Variants in CFAP74 observed in about 807,000 individuals in gnomAD.
The protein encoded by CFAP74 is cilia and flagella associated protein 74.
A neutral mutation model predicts 188.9 loss-of-function variants in CFAP74; 124 were observed. That is an observed-to-expected ratio of 0.66 (90% CI 0.57 to 0.76). CFAP74 has a LOEUF of 0.76. CFAP74 is among the 30% of genes least tolerant of loss of function. The pLI, the probability that CFAP74 is intolerant of heterozygous loss-of-function variation, is 0.00. For missense variants in CFAP74, 2,198 were observed against 2,165.2 expected (o/e 1.02, Z -0.30); for synonymous variants, 956 against 916.7 (o/e 1.04, Z -0.77).
chr1:1,941,384 G>A (rs1288913303), intron 22 of CFAP74, among the ~76,000 whole-genome samples: 2 of 152,214 alleles, frequency 1.3e-5, no homozygotes, highest in East Asian at 1.9e-4. Context: ...GACACAGGAC[G>A]TCCAGTCTCC....
chr1:1,923,321 GCA>G lies in CFAP74; in HGVS notation c.4522+44_4522+45del. On this transcript the variant is annotated intron_variant, in intron 36 of 38. Coordinates refer to ENST00000682832, the MANE Select transcript of CFAP74 (RefSeq NM_001304360.2). This position sits in a 1 kb window ranked among gnomAD's most constrained non-coding sequence, Gnocchi z 6.3. The stretch of plus-strand genomic sequence containing the variant: ...CGGGGCCCCCATCCACGGGACAGGG[GCA>G]CCGGGAGGCCCCGTGTCTGTTCCCT... 1 of 1,531,516 alleles carries G rather than the reference GCA, an allele frequency of 6.5e-7. No individual in the cohort carries two copies. The highest frequency in any genetic ancestry group is 1.4e-5 in the African/African-American group (1 of 72,812). The allele number at this position is 1,531,516 out of a possible 1,614,324, so 94.9% of individuals were successfully genotyped here.
intron 18 of CFAP74, among the ~76,000 whole-genome samples, chr1:1,950,885 C>T (rs1654162602): frequency 6.6e-6 from 1 of 152,068 alleles, no homozygotes; most frequent in African/African-American, 2.4e-5. Flanking sequence ...TTTGCCTCAC[C>T]TAGGGCCACA....
intron 18 of CFAP74, among the ~76,000 whole-genome samples, chr1:1,949,438 A>T (rs921027411): frequency 1.1e-4 from 17 of 152,210 alleles, no homozygotes; most frequent in Non-Finnish European, 1.2e-4. Context: ...TACAAGTGTA[A>T]GCCACTGTGC....
chr1:1,964,831 C>G (rs1570929661), intron 13 of CFAP74, 57 bp downstream of exon 13: 2 of 1,586,056 alleles, frequency 1.3e-6, no homozygotes, highest in Non-Finnish European at 1.7e-6. Context: ...TGCGGCAGGG[C>G]TCCCCTGCTG....
intron 20 of CFAP74, 57 bp from the exon 21 acceptor site, chr1:1,944,509 T>G: frequency 6.6e-7 from 1 of 1,520,688 alleles, no homozygotes; most frequent in Non-Finnish European, 8.8e-7. Flanking sequence ...GCAGGCATTG[T>G]TGGTGAGCAC....
intron 25 of CFAP74, among the ~76,000 whole-genome samples, chr1:1,931,737 CTGTCTCAA>C (rs1341903366): frequency 7.1e-5 from 7 of 98,630 alleles, no homozygotes; most frequent in Admixed American, 2.7e-4. Flanking sequence ...GACTCTGTCT[CTGTCTCAA>C]AAAAAAAAAA....
intron 6 of CFAP74, among the ~76,000 whole-genome samples, chr1:1,978,848 C>G (rs1356095343): frequency 2.0e-5 from 3 of 152,256 alleles, no homozygotes; most frequent in Admixed American, 6.5e-5. Flanking sequence ...AGCACCAGCG[C>G]CCTGCCGTGG....
In CFAP74 at chr1:1,941,972, C is replaced by T. The variant is rs75302349; in HGVS notation, c.2615+56G>A. The T allele has an allele frequency of 3.4e-3, 4,782 of 1,414,682 alleles. 94 individuals carry two copies. The African/African-American group carries it at 0.046, about 13-fold the overall frequency. The allele number at this position is 1,414,682 out of a possible 1,614,324, so 87.6% of individuals were successfully genotyped here. On this transcript the variant is annotated intron_variant, in intron 22 of 38. Transcript: ENST00000682832. ...GAGTGGCCAGTGGCGAGGAGCGCCT[C>T]GGAGCCCACAACCTCCCACGTCCTC...
intron 15 of CFAP74, among the ~76,000 whole-genome samples, chr1:1,959,520 C>T (rs1194828552): frequency 2.0e-5 from 3 of 152,236 alleles, no homozygotes; most frequent in Non-Finnish European, 2.9e-5. Context: ...CCTGCCTTGG[C>T]CTCCCAAAGT....
intron 18 of CFAP74, among the ~76,000 whole-genome samples, chr1:1,947,775 G>A (rs113945647): frequency 3.8e-4 from 58 of 152,392 alleles, no homozygotes; most frequent in Middle Eastern, 3.4e-3. Flanking sequence ...CGGGCTCAGC[G>A]TCTGGACGGC....
Position 1,940,313 on chromosome 1 carries a change from G to C in CFAP74, c.2703+3C>G. The C allele has an allele frequency of 1.3e-6, 2 of 1,535,134 alleles. No homozygotes were observed. The highest frequency in any genetic ancestry group is 2.0e-5 in the Admixed American group (1 of 50,998). On this transcript the variant is annotated splice_donor_region_variant and intron_variant, in intron 23 of 38. Transcript: ENST00000682832. Reference sequence around the variant, plus strand: ...CATCCCTGGGAAGTGCCCCAACACAGACCTGGTCGGCAACCCATATGGTCA... The same window carrying C: ...CATCCCTGGGAAGTGCCCCAACACACACCTGGTCGGCAACCCATATGGTCA...
intron 10 of CFAP74, among the ~76,000 whole-genome samples, chr1:1,969,750 C>T (rs967181289): frequency 2.6e-5 from 4 of 152,118 alleles, no homozygotes; most frequent in Admixed American, 6.5e-5. Context: ...GAACTCTGAT[C>T]GTGACTCAGG....
rs1262956243 is a variant in CFAP74, at chr1:1,946,306, G to C, written c.2364+11C>G. 1.3e-6 allele frequency: 2 copies of C among 1,532,878 alleles called. No homozygotes were observed. Among genetic ancestry groups the C allele is most frequent in the Admixed American group, 3.9e-5 (2 of 50,710 alleles). The allele number at this position is 1,532,878 out of a possible 1,614,324, so 95.0% of individuals were successfully genotyped here. A position where few individuals can be genotyped will look rare whatever the true frequency, so the allele number is the denominator to read the frequency against. ...AGGGTGTGTGCGTGGCGTGGCAGCA[G>C]GAATACTCACCGTGGGGCACTGGGG... On this transcript the variant is annotated intron_variant, in intron 20 of 38. Coordinates refer to ENST00000682832, the MANE Select transcript of CFAP74 (RefSeq NM_001304360.2).
intron 24 of CFAP74, among the ~76,000 whole-genome samples, chr1:1,939,231 G>C (rs1001641246): frequency 6.6e-6 from 1 of 152,254 alleles, no homozygotes; most frequent in African/African-American, 2.4e-5. Flanking sequence ...TGTGTGCTGG[G>C]GGGAGAGAGA....
In CFAP74 at chr1:1,963,867, C is replaced by T; in HGVS notation, c.1576G>A (p.Asp526Asn). The change falls in exon 14 of 39, where the codon GAC (aspartate) becomes AAC (asparagine). Residue 526 changes from aspartate to asparagine, a missense_variant and splice_region_variant. Coordinates refer to ENST00000682832, the MANE Select transcript of CFAP74 (RefSeq NM_001304360.2). ...NSKPELLHFQ[D>N]FDIGKVYKKK... is the part of the protein sequence containing the mutation. ...TTGTACACTTTGCCAATATCAAAGT[C>T]CTGGGAAAGGCCGAGGTAGCAGCTT... is the stretch of plus-strand genomic sequence containing the variant. 4.4e-6 allele frequency: 7 copies of T among 1,602,428 alleles called. No homozygotes were observed. The highest frequency in any genetic ancestry group is 6.0e-6 in the Non-Finnish European group (7 of 1,169,638).
At chr1:1,997,551 A>T (rs1657983705) in intron 1 of CFAP74, among the ~76,000 whole-genome samples, 1 of 152,248 alleles carries the variant, frequency 6.6e-6, no homozygotes, top group Non-Finnish European at 1.5e-5. Context: ...AAAACAACTT[A>T]GTAATGTTGC....
intron 12 of CFAP74, 112 bp from the exon 13 acceptor site, chr1:1,965,173 A>T: frequency 9.8e-7 from 1 of 1,023,238 alleles, no homozygotes; most frequent in South Asian, 1.7e-5. Flanking sequence ...GCCCAGCCCC[A>T]CCGGCTGCCA....
At chr1:1,985,547 A>G (rs1000640187) in intron 5 of CFAP74, 57 bp from the exon 6 acceptor site, 34 of 1,387,954 alleles carry the variant, frequency 2.4e-5, no homozygotes, top group Non-Finnish European at 3.4e-5. Flanking sequence ...TCCAGGGGCC[A>G]TCCAGGTTCA....
rs4648734 is a variant in CFAP74 at position 1,927,692 on chromosome 1, C to T, written c.3442G>A (p.Val1148Ile). ...TTGTCGCGGTTCTGTGCTCGAAGAACGGAGAATGACAGTCCATGCAGGTCC... is the reference window on the plus strand; with the variant it reads ...TTGTCGCGGTTCTGTGCTCGAAGAATGGAGAATGACAGTCCATGCAGGTCC... ...RKDLHGLSFS[V>I]LRAQNRDKLF... Residue 1148 changes from valine (V) to isoleucine (I), a missense_variant, in exon 28 of 39, where the codon GTT becomes ATT. Physicochemically the swap from Val to Ile is conservative, Grantham distance 29. Coordinates refer to ENST00000682832, the MANE Select transcript of CFAP74 (RefSeq NM_001304360.2). 392,769 of 1,549,518 alleles carry T rather than the reference C, an allele frequency of 0.25. 51,013 individuals carry two copies. The highest frequency in any genetic ancestry group is 0.27 in the Non-Finnish European group (307,759 of 1,146,468).
Sources: gnomAD v4.1 joint callset for allele counts (sites outside exome capture counted in the v4.1 genomes callset) on GRCh38, gnomAD v4.1.1 for gene constraint, Gnocchi (gnomAD v3.1) non-coding constraint, MANE v1.5 for transcripts, NCBI Gene and HGNC (gene_info 2026-07-23, HGNC 2026-07-21) for gene names.